The following PDE8A variants were observed in gnomAD, a reference collection of about 807,000 sequenced individuals.
PDE8A encodes the protein high affinity cAMP-specific and IBMX-insensitive 3',5'-cyclic phosphodiesterase 8A.
Under a neutral mutation model 105.0 loss-of-function variants are expected in PDE8A, and 59 were observed. The ratio of observed to expected loss-of-function variants is 0.56; its 90% CI spans 0.46 to 0.70. The LOEUF (loss-of-function observed/expected upper bound fraction) is 0.70, where lower values mean the gene tolerates loss of function less well. PDE8A is among the 30% of genes least tolerant of loss of function. PDE8A has a pLI of 0.00. For synonymous variants in PDE8A, 355 were observed against 371.9 expected (o/e 0.95, Z 0.52); for missense variants, 1,014 against 1,045.9 (o/e 0.97, Z 0.42).
At chr15:85,000,597 C>G (rs1053694182) in intron 1 of PDE8A, among the ~76,000 whole-genome samples, 2 of 152,192 alleles carry the variant, frequency 1.3e-5, no homozygotes, top group Non-Finnish European at 2.9e-5. Context: ...TGGCCTTGTT[C>G]TTCCAGTGTG....
chr15:85,108,906 C>T, intron 11 of PDE8A, 147 bp from the exon 12 acceptor site: 1 of 522,902 alleles, frequency 1.9e-6, no homozygotes, highest in African/African-American at 1.9e-5. Context: ...ACTGGTTTCT[C>T]ATAGTCTTCA....
chr15:85,067,089 T>G lies in PDE8A; in HGVS notation c.319T>G (p.Cys107Gly). The G allele has an allele frequency of 6.2e-7, 1 of 1,613,858 alleles. No individual in the cohort carries two copies. Among genetic ancestry groups the G allele is most frequent in the Non-Finnish European group, 8.5e-7 (1 of 1,179,738 alleles). The change falls in exon 3 of 22, where the codon TGT (cysteine) becomes GGT (glycine). Residue 107 changes from cysteine to glycine, a missense_variant. Transcript: ENST00000394553. ...CRACEKAGFK[C>G]TVTKEAQAVL... ...GGCATGTGAAAAAGCAGGGTTTAAG[T>G]GTACAGTTACCAAGGAGGCTCAGGC...
At chr15:85,121,043 A>G (rs750151012) in intron 18 of PDE8A, 29 bp downstream of exon 18, 3 of 1,376,816 alleles carry the variant, frequency 2.2e-6, no homozygotes, top group Non-Finnish European at 3.1e-6. Flanking sequence ...AAGTGTGTTG[A>G]TCCCTCTCTT....
intron 1 of PDE8A, among the ~76,000 whole-genome samples, chr15:85,040,651 C>T (rs2080790529): frequency 6.6e-6 from 1 of 150,896 alleles, no homozygotes; most frequent in African/African-American, 2.4e-5. Flanking sequence ...AGCTCTGCCT[C>T]CCGGGTTCAC....
intron 1 of PDE8A, among the ~76,000 whole-genome samples, chr15:84,982,925 A>G (rs1447274834): frequency 1.3e-5 from 2 of 152,214 alleles, no homozygotes; most frequent in African/African-American, 2.4e-5. Context: ...TAGCATACAT[A>G]CTGTATTTAA....
chr15:85,099,131 GC>G (rs2081813185), intron 9 of PDE8A, among the ~76,000 whole-genome samples: 1 of 152,212 alleles, frequency 6.6e-6, no homozygotes, highest in African/African-American at 2.4e-5. Context: ...GTTTAATTGA[GC>G]CCCTCCCTTC....
chr15:85,117,349 A>G (rs1284447121), intron 16 of PDE8A, among the ~76,000 whole-genome samples: 3 of 152,194 alleles, frequency 2.0e-5, no homozygotes, highest in Non-Finnish European at 4.4e-5. Flanking sequence ...AGGAAGCTGA[A>G]CCTGGAAGGA....
At position 85,136,610 on chromosome 15, in the gene PDE8A, C is replaced by T; in HGVS notation, c.2330C>T (p.Ser777Phe). 9.3e-6 allele frequency: 15 copies of T among 1,613,858 alleles called. No individual in the cohort carries two copies. Among genetic ancestry groups the T allele is most frequent in the Non-Finnish European group, 1.3e-5 (15 of 1,179,820 alleles). The change falls in exon 21 of 22, where the codon TCC becomes TTC. Residue 777 changes from serine to phenylalanine, a missense_variant. Coordinates refer to ENST00000394553, the MANE Select transcript of PDE8A (RefSeq NM_002605.3). ...AGAAATACCTGCAGCATCCCCAAATCCCAAATCTCTTTCATTGATTACTTC... is the reference window on the plus strand; with the variant it reads ...AGAAATACCTGCAGCATCCCCAAATTCCAAATCTCTTTCATTGATTACTTC... ...FDRNTCSIPK[S>F]QISFIDYFIT...
chr15:85,137,711 T>TGTCA, intron 21 of PDE8A, 86 bp from the exon 22 acceptor site: 1 of 851,318 alleles, frequency 1.2e-6, no homozygotes, highest in Non-Finnish European at 2.0e-6. Flanking sequence ...TGCTCCCATC[T>TGTCA]GTCACTCTTT....
chr15:85,083,344 T>C (rs751402889), intron 5 of PDE8A, among the ~76,000 whole-genome samples: 86 of 152,036 alleles, frequency 5.7e-4, no homozygotes, highest in Non-Finnish European at 9.1e-4. Flanking sequence ...GGCTACTAAA[T>C]GATAGAAGGA....
At chr15:85,107,534 G>A (rs1208680361) in intron 11 of PDE8A, among the ~76,000 whole-genome samples, 2 of 152,200 alleles carry the variant, frequency 1.3e-5, no homozygotes, top group Non-Finnish European at 2.9e-5. Flanking sequence ...ATAGAGCAGG[G>A]GATAGACTGG....
chr15:85,122,986 C>G, intron 18 of PDE8A, 75 bp from the exon 19 acceptor site: 1 of 1,463,902 alleles, frequency 6.8e-7, no homozygotes, highest in Non-Finnish European at 9.5e-7. Flanking sequence ...ACCTGGATAA[C>G]AGATTGTTTT....
chr15:85,055,477 T>C (rs1483023282), intron 1 of PDE8A, among the ~76,000 whole-genome samples: 1 of 152,230 alleles, frequency 6.6e-6, no homozygotes, highest in Non-Finnish European at 1.5e-5. Context: ...GGACTTGCCT[T>C]ATGAATCTGG....
At position 85,108,670 on chromosome 15, in the gene PDE8A, G is replaced by A. The variant is rs375741890; in HGVS notation, c.1037-383G>A. On this transcript the variant is annotated intron_variant, in intron 11 of 21. Coordinates refer to ENST00000394553, the MANE Select transcript of PDE8A (RefSeq NM_002605.3). Reference sequence around the variant, plus strand: ...GATATTGTAGTCCTTATTTTGTAGAGAAAATAAAAGATTTTTTTTCTTTGG... The same window carrying A: ...GATATTGTAGTCCTTATTTTGTAGAAAAAATAAAAGATTTTTTTTCTTTGG... Among the ~76,000 whole-genome samples, 19 of 152,250 alleles carry A rather than the reference G, an allele frequency of 1.2e-4. No individual in the cohort carries two copies. In the East Asian group the frequency reaches 3.7e-3, roughly 29 times the overall value.
chr15:85,022,351 C>G (rs1274167260), intron 1 of PDE8A, among the ~76,000 whole-genome samples: 1 of 151,550 alleles, frequency 6.6e-6, no homozygotes, highest in Non-Finnish European at 1.5e-5. Flanking sequence ...GACGGGGCAC[C>G]CTGCCTCTGC....
upstream of PDE8A, among the ~76,000 whole-genome samples, chr15:84,980,955 G>C (rs1243515576): frequency 2.0e-5 from 3 of 152,222 alleles, no homozygotes; most frequent in Non-Finnish European, 2.9e-5. Context: ...CGTGGGCTGC[G>C]GCTTCTCGCG....
At chr15:85,069,076 A>G (rs558638874) in intron 3 of PDE8A, among the ~76,000 whole-genome samples, 16 of 152,348 alleles carry the variant, frequency 1.1e-4, no homozygotes, top group African/African-American at 3.6e-4. Context: ...CTATGAGCTT[A>G]TAGACTAGAG....
At chr15:85,030,158 A>G (rs1488707087) in intron 1 of PDE8A, among the ~76,000 whole-genome samples, 1 of 151,954 alleles carries the variant, frequency 6.6e-6, no homozygotes, top group African/African-American at 2.4e-5. Context: ...CTGTACTCTA[A>G]ATTAGAGTCC....
intron 16 of PDE8A, chr15:85,116,351 C>A: frequency 1.9e-6 from 1 of 513,582 alleles, no homozygotes; most frequent in South Asian, 3.1e-5. Flanking sequence ...AGTGACTTCT[C>A]CAAGTAGCAC....
Sources: allele counts gnomAD v4.1 joint callset (sites outside exome capture counted in the v4.1 genomes callset), GRCh38; gene constraint gnomAD v4.1.1; transcripts MANE v1.5; gene names NCBI Gene and HGNC (gene_info 2026-07-23, HGNC 2026-07-21).